The following UMODL1 variants were observed in gnomAD, a reference collection of about 807,000 sequenced individuals.
UMODL1 encodes the protein uromodulin-like 1.
Under a neutral mutation model 136.3 loss-of-function variants are expected in UMODL1, and 128 were observed. The observed-to-expected ratio is 0.94, with a 90% CI of 0.81 to 1.09. The LOEUF (loss-of-function observed/expected upper bound fraction) is 1.09, where lower values mean the gene tolerates loss of function less well. Ranked by LOEUF, UMODL1 falls within the 50% of genes least tolerant of loss-of-function variation. The pLI is 0.00. For synonymous variants in UMODL1, 721 were observed against 720.0 expected, an observed-to-expected ratio of 1.00 and a Z score of -0.02; for missense variants, 1,766 against 1,725.6, an observed-to-expected ratio of 1.02 and a Z score of -0.41.
chr21:42,086,486 G>A (rs756632581), intron 4 of UMODL1: 16 of 454,818 alleles, frequency 3.5e-5, no homozygotes, highest in South Asian at 1.7e-4. Context: ...CTGCAGCCTC[G>A]GCCTTAACAG....
intron 5 of UMODL1, among the ~76,000 whole-genome samples, chr21:42,088,857 A>G (rs574456427): frequency 1.3e-5 from 2 of 151,904 alleles, no homozygotes; most frequent in Middle Eastern, 3.4e-3. Flanking sequence ...TTGTTTCTTC[A>G]TTTCTTTGGT....
intron 21 of UMODL1, among the ~76,000 whole-genome samples, chr21:42,135,782 G>A (rs1392260485): frequency 6.6e-6 from 1 of 152,174 alleles, no homozygotes; most frequent in African/African-American, 2.4e-5. Flanking sequence ...CTCTGGAGGA[G>A]GGATGGTGTG....
At chr21:42,112,534 GCTGTTCTGCACCCCCA>G (rs2066848364) in intron 12 of UMODL1, among the ~76,000 whole-genome samples, 1 of 151,776 alleles carries the variant, frequency 6.6e-6, no homozygotes, top group African/African-American at 2.4e-5. Flanking sequence ...TATCTCCCCA[GCTGTTCTGCACCCCCA>G]GCTGTTCTGT....
At chr21:42,079,016 C>G (rs1432895236) in intron 2 of UMODL1, among the ~76,000 whole-genome samples, 1 of 152,238 alleles carries the variant, frequency 6.6e-6, no homozygotes, top group Non-Finnish European at 1.5e-5. Context: ...GCCACGGCAA[C>G]TCGGTTTAGA....
At chr21:42,098,592 C>G (rs982302227) in intron 6 of UMODL1, among the ~76,000 whole-genome samples, 2 of 150,622 alleles carry the variant, frequency 1.3e-5, no homozygotes, top group Middle Eastern at 3.4e-3. Flanking sequence ...CATGGTGAAA[C>G]CCCGTCTCTA....
chr21:42,108,921 C>CA lies in UMODL1; in HGVS notation c.1520-641_1520-640insA, dbSNP rs1288453908. On this transcript the variant is annotated intron_variant, in intron 9 of 22. Coordinates refer to ENST00000408910, the MANE Select transcript of UMODL1 (RefSeq NM_001004416.3). ...GTACTCAGGCTGACCCCCACCCCCC[C>CA]CACGAGAGAAGTCCATGTTATACTC... is the stretch of plus-strand genomic sequence containing the variant. 6.3e-5 allele frequency among the ~76,000 whole-genome samples: 4 copies of CA among 63,914 alleles called. No homozygotes were observed. In the East Asian group the frequency reaches 2.4e-3, roughly 39 times the overall value. The allele number at this position is 63,914 out of a possible 152,430, so 41.9% of individuals were successfully genotyped here.
At chr21:42,088,861 CTT>C (rs2066458673) in intron 5 of UMODL1, among the ~76,000 whole-genome samples, 1 of 152,166 alleles carries the variant, frequency 6.6e-6, no homozygotes, top group Non-Finnish European at 1.5e-5. Context: ...TTCTTCATTT[CTT>C]TGGTTTCCTA....
intron 1 of UMODL1, among the ~76,000 whole-genome samples, chr21:42,072,190 C>G (rs571441247): frequency 7.9e-4 from 120 of 152,344 alleles, no homozygotes; most frequent in African/African-American, 2.8e-3. Flanking sequence ...AGGGCTCTGT[C>G]CGGAGTTTTC....
intron 21 of UMODL1, among the ~76,000 whole-genome samples, chr21:42,132,086 A>G (rs898869588): frequency 1.3e-5 from 2 of 152,136 alleles, no homozygotes; most frequent in Non-Finnish European, 2.9e-5. Context: ...TATGAGCTGT[A>G]TGGTTCATCC....
intron 14 of UMODL1, among the ~76,000 whole-genome samples, chr21:42,117,527 T>C (rs2066915945): frequency 6.6e-6 from 1 of 152,250 alleles, no homozygotes; most frequent in Non-Finnish European, 1.5e-5. Context: ...GGAGTGCCCT[T>C]GTCATAATCT....
intron 4 of UMODL1, among the ~76,000 whole-genome samples, chr21:42,086,087 A>C (rs754567732): frequency 6.6e-6 from 1 of 152,194 alleles, no homozygotes; most frequent in Non-Finnish European, 1.5e-5. Flanking sequence ...AGTCTCGGGA[A>C]TCCCAGTGTG....
rs2067106899 is a variant in UMODL1 at position 42,129,660 on chromosome 21, A to T, written c.3691-53A>T. The T allele has an allele frequency of 2.7e-5, 40 of 1,487,674 alleles. No homozygotes were observed. In the South Asian group the frequency reaches 5.0e-4, roughly 19 times the overall value. 92.2% of individuals were successfully genotyped at this position (1,487,674 alleles called of 1,614,324 possible). A position where few individuals can be genotyped will look rare whatever the true frequency, so the allele number is the denominator to read the frequency against. Reference sequence around the variant, plus strand: ...CATCCTTGATAGTAGCTCCTTTCTCATAAATGTTGTTCAATTAATTTGACG... The same window carrying T: ...CATCCTTGATAGTAGCTCCTTTCTCTTAAATGTTGTTCAATTAATTTGACG... On this transcript the variant is annotated intron_variant, in intron 20 of 22. Transcript: ENST00000408910.
intron 6 of UMODL1, chr21:42,093,840 A>C (rs972801773): frequency 2.2e-6 from 1 of 454,854 alleles, no homozygotes; most frequent in African/African-American, 2.0e-5. Flanking sequence ...CTCTGCCAGC[A>C]AAACACTGAG....
At chr21:42,098,271 G>T (rs1275904977) in intron 6 of UMODL1, among the ~76,000 whole-genome samples, 1 of 152,162 alleles carries the variant, frequency 6.6e-6, no homozygotes, top group African/African-American at 2.4e-5. Context: ...GGCACACTTG[G>T]ATGACTCCCA....
chr21:42,081,330 G>C lies in UMODL1; in HGVS notation c.320-2754G>C, dbSNP rs548920854. Among the ~76,000 whole-genome samples the C allele has an allele frequency of 3.9e-5, 6 of 152,332 alleles. No homozygotes were observed. In the East Asian group the frequency reaches 5.8e-4, roughly 15 times the overall value. On this transcript the variant is annotated intron_variant, in intron 2 of 22. Coordinates refer to ENST00000408910, the MANE Select transcript of UMODL1 (RefSeq NM_001004416.3). ...AGCCCTGGGAGCCTTGGGTTTTGTTGCTCAAACACAAAGCTCCCCTGTTGC... is the reference window on the plus strand; with the variant it reads ...AGCCCTGGGAGCCTTGGGTTTTGTTCCTCAAACACAAAGCTCCCCTGTTGC...
In UMODL1 at chr21:42,071,338, G is replaced by C; in HGVS notation, c.22G>C (p.Ala8Pro). MLRTSGLALLALVSAVGP... is the reference protein window; with the variant it reads MLRTSGLPLLALVSAVGP... ...GACGATGCTCAGGACCTCGGGGCTG[G>C]CACTGCTGGCTCTGGTCAGTGCTGT... The change falls in exon 1 of 23, where the codon GCA becomes CCA. Residue 8 changes from alanine to proline, a missense_variant. Ala to Pro is a conservative substitution (Grantham distance 27, BLOSUM62 -1). Coordinates refer to ENST00000408910, the MANE Select transcript of UMODL1 (RefSeq NM_001004416.3). 1 of 1,595,898 alleles carries C rather than the reference G, an allele frequency of 6.3e-7. No individual in the cohort carries two copies. The highest frequency in any genetic ancestry group is 8.5e-7 in the Non-Finnish European group (1 of 1,171,504).
In UMODL1 at chr21:42,098,893, C is replaced by G. The variant is rs748943877; in HGVS notation, c.932-33C>G. Reference sequence around the variant, plus strand: ...GAAGAGAAAGCCGCCCTCACTGACCCTTTGCTCATCTTCTCTGTCTGTGCT... The same window carrying G: ...GAAGAGAAAGCCGCCCTCACTGACCGTTTGCTCATCTTCTCTGTCTGTGCT... On this transcript the variant is annotated intron_variant, in intron 6 of 22. Coordinates refer to ENST00000408910, the MANE Select transcript of UMODL1 (RefSeq NM_001004416.3). 3 of 1,609,964 alleles carry G rather than the reference C, an allele frequency of 1.9e-6. No individual in the cohort carries two copies. In the South Asian group the frequency reaches 3.3e-5, roughly 18 times the overall value.
intron 17 of UMODL1, among the ~76,000 whole-genome samples, chr21:42,125,258 C>G (rs1299360968): frequency 6.6e-6 from 1 of 152,116 alleles, no homozygotes; most frequent in East Asian, 1.9e-4. Context: ...GGCCAGAAAG[C>G]CCCAGGGGCT....
intron 19 of UMODL1, 86 bp downstream of exon 19, chr21:42,127,328 C>A: frequency 7.8e-7 from 1 of 1,277,404 alleles, no homozygotes; most frequent in Non-Finnish European, 1.1e-6. Flanking sequence ...GCAGACATCC[C>A]CATCCAGCAA....
Sources: allele counts gnomAD v4.1 joint callset (sites outside exome capture counted in the v4.1 genomes callset), GRCh38; gene constraint gnomAD v4.1.1; transcripts MANE v1.5; gene names NCBI Gene and HGNC (gene_info 2026-07-23, HGNC 2026-07-21).